MBOAT1: variants seen among roughly 807,000 people sequenced by gnomAD.
The protein encoded by MBOAT1 is membrane-bound glycerophospholipid O-acyltransferase 1.
MBOAT1 carries 67 observed loss-of-function variants against 64.4 expected under a neutral mutation model. The ratio of observed to expected loss-of-function variants is 1.04; its 90% CI spans 0.85 to 1.27. The LOEUF (loss-of-function observed/expected upper bound fraction) is 1.27, where lower values mean the gene tolerates loss of function less well. MBOAT1 is among the 50% of genes most tolerant of loss of function. The pLI is 0.00. For missense variants in MBOAT1, 563 were observed against 604.6 expected, an observed-to-expected ratio of 0.93 and a Z score of 0.72; for synonymous variants, 229 against 218.9, an observed-to-expected ratio of 1.05 and a Z score of -0.41.
intron 2 of MBOAT1, among the ~76,000 whole-genome samples, chr6:20,152,258 C>A (rs187695679): frequency 6.6e-6 from 1 of 151,482 alleles, no homozygotes; most frequent in Non-Finnish European, 1.5e-5. Context: ...ACCCAGGAGG[C>A]GGAGGTCGCA....
At chr6:20,112,659 G>GA (rs1242571601) in intron 11 of MBOAT1, among the ~76,000 whole-genome samples, 2 of 152,012 alleles carry the variant, frequency 1.3e-5, no homozygotes, top group African/African-American at 4.8e-5. Context: ...CACGAACTAC[G>GA]AACATACAAT....
At chr6:20,128,869 C>A in intron 5 of MBOAT1, 116 bp from the exon 6 acceptor site, 12 of 700,406 alleles carry the variant, frequency 1.7e-5, no homozygotes, top group East Asian at 5.8e-5. Flanking sequence ...CTTCATAAAT[C>A]ATAAAGAGTT....
At chr6:20,146,290 T>C (rs1209709451) in intron 3 of MBOAT1, among the ~76,000 whole-genome samples, 1 of 152,198 alleles carries the variant, frequency 6.6e-6, no homozygotes, top group Non-Finnish European at 1.5e-5. Flanking sequence ...AAAGTAGGGA[T>C]AATAAAAATT....
intron 1 of MBOAT1, among the ~76,000 whole-genome samples, chr6:20,198,527 T>C (rs1262344456): frequency 6.6e-6 from 1 of 152,258 alleles, no homozygotes; most frequent in Non-Finnish European, 1.5e-5. Context: ...ATGGTCACTC[T>C]ACCATCTTGT....
chr6:20,203,035 G>A (rs1371889528), intron 1 of MBOAT1, among the ~76,000 whole-genome samples: 1 of 152,144 alleles, frequency 6.6e-6, no homozygotes, highest in Non-Finnish European at 1.5e-5. Context: ...TGGGTGTGGT[G>A]GCTTCCGCCT....
At chr6:20,132,284 T>G (rs1209342013) in intron 4 of MBOAT1, among the ~76,000 whole-genome samples, 1 of 152,184 alleles carries the variant, frequency 6.6e-6, no homozygotes, top group African/African-American at 2.4e-5. Context: ...TCCACCTGGA[T>G]AGACAGATAC....
chr6:20,190,273 A>G (rs988854876), intron 1 of MBOAT1, among the ~76,000 whole-genome samples: 23 of 152,258 alleles, frequency 1.5e-4, no homozygotes, highest in South Asian at 4.1e-4. Context: ...GATTACAGGC[A>G]TGAGCCACTG....
At chr6:20,109,167 C>A (rs1241619605) in intron 12 of MBOAT1, among the ~76,000 whole-genome samples, 1 of 152,168 alleles carries the variant, frequency 6.6e-6, no homozygotes, top group Non-Finnish European at 1.5e-5. Flanking sequence ...CTTCTGCACA[C>A]CACTCGATCA....
chr6:20,202,084 T>C (rs910266852), intron 1 of MBOAT1, among the ~76,000 whole-genome samples: 1 of 152,160 alleles, frequency 6.6e-6, no homozygotes, highest in Non-Finnish European at 1.5e-5. Context: ...CTTCATGTAA[T>C]TTCATGAAAT....
chr6:20,159,079 G>A (rs147049523), intron 1 of MBOAT1, among the ~76,000 whole-genome samples: 4 of 152,230 alleles, frequency 2.6e-5, no homozygotes, highest in South Asian at 2.1e-4. Context: ...GTATATGCCC[G>A]AGGAAACTGA....
At chr6:20,177,528 C>G (rs1353017630) in intron 1 of MBOAT1, among the ~76,000 whole-genome samples, 4 of 152,092 alleles carry the variant, frequency 2.6e-5, no homozygotes, top group Non-Finnish European at 4.4e-5. Context: ...AATCTCAGCA[C>G]TTTGGGAGGC....
At chr6:20,146,385 C>G (rs1400334676) in intron 3 of MBOAT1, among the ~76,000 whole-genome samples, 2 of 152,180 alleles carry the variant, frequency 1.3e-5, no homozygotes, top group Non-Finnish European at 2.9e-5. Context: ...TTTATGTGCT[C>G]TTTACCATTA....
intron 11 of MBOAT1, among the ~76,000 whole-genome samples, chr6:20,111,870 A>ATATATATACATATATATATACG (rs1561746387): frequency 1.9e-4 from 22 of 117,076 alleles, no homozygotes; most frequent in Admixed American, 7.3e-4. Flanking sequence ...ATATATATAC[A>ATATATATACATATATATATACG]TATATATATG....
rs970038020 is a variant in MBOAT1 at position 20,212,466 on chromosome 6, A to C, written c.-232T>G. 5 of 539,824 alleles carry C rather than the reference A, an allele frequency of 9.3e-6. No homozygotes were observed. The highest frequency in any genetic ancestry group is 6.9e-5 in the Admixed American group (2 of 28,952). The allele number at this position is 539,824 out of a possible 1,614,324, so 33.4% of individuals were successfully genotyped here. A position where few individuals can be genotyped will look rare whatever the true frequency, so the allele number is the denominator to read the frequency against. On this transcript the variant is annotated 5_prime_UTR_variant, in exon 1 of 13. Coordinates refer to ENST00000324607, the MANE Select transcript of MBOAT1 (RefSeq NM_001080480.3). ...GCGCTGCAGCCACGGGCGCCGTAGG[A>C]GGGCCGGGCCCAAGGCGCCCCGCTT... is the stretch of plus-strand genomic sequence containing the variant.
At chr6:20,205,768 C>G (rs1763244882) in intron 1 of MBOAT1, among the ~76,000 whole-genome samples, 1 of 152,160 alleles carries the variant, frequency 6.6e-6, no homozygotes, top group Non-Finnish European at 1.5e-5. Flanking sequence ...GCCCCCCCAC[C>G]CACCTGCTAA....
intron 1 of MBOAT1, among the ~76,000 whole-genome samples, chr6:20,179,774 C>A (rs1179462835): frequency 1.3e-5 from 2 of 152,190 alleles, no homozygotes; most frequent in Middle Eastern, 3.2e-3. Flanking sequence ...TACATTCCTA[C>A]CAACAGTGTA....
chr6:20,148,387 T>C (rs1761389469), intron 3 of MBOAT1, among the ~76,000 whole-genome samples: 2 of 152,100 alleles, frequency 1.3e-5, no homozygotes, highest in South Asian at 2.1e-4. Context: ...TATCGCACTA[T>C]AGCCTGGGCA....
At chr6:20,192,056 C>T (rs1318716958) in intron 1 of MBOAT1, among the ~76,000 whole-genome samples, 12 of 151,964 alleles carry the variant, frequency 7.9e-5, no homozygotes, top group Admixed American at 1.3e-4. Context: ...TTTTTTAATT[C>T]CCACAGATGA....
intron 1 of MBOAT1, among the ~76,000 whole-genome samples, chr6:20,206,482 C>T (rs1279391302): frequency 6.6e-6 from 1 of 152,116 alleles, no homozygotes; most frequent in Non-Finnish European, 1.5e-5. Flanking sequence ...CCACTTTGTA[C>T]TATTTTCCTT....
Sources: allele counts gnomAD v4.1 joint callset (sites outside exome capture counted in the v4.1 genomes callset), GRCh38; gene constraint gnomAD v4.1.1; transcripts MANE v1.5; gene names NCBI Gene and HGNC (gene_info 2026-07-23, HGNC 2026-07-21).